Variants in ELFN1 observed in about 807,000 individuals in gnomAD.
ELFN1 encodes the protein extracellular leucine rich repeat and fibronectin type III domain containing 1.
ELFN1 carries 6 observed loss-of-function variants against 7.6 expected under a neutral mutation model. The observed-to-expected ratio is 0.79, with a 90% CI of 0.43 to 1.56. The LOEUF is 1.56. ELFN1 is among the 40% of genes most tolerant of loss of function. The pLI is 0.01. For missense variants in ELFN1, 1,169 were observed against 1,232.2 expected (o/e 0.95, Z 0.77); for synonymous variants, 657 against 588.1 (o/e 1.12, Z -1.70).
chr7:1,705,581 C>T lies in ELFN1; in HGVS notation c.-455-3510C>T, dbSNP rs964476968. ...CCTCAGATGGCAGGCCTCACAGCCT[C>T]ACCATGCACCTGTGTGATCAGCCAC... On this transcript the variant is annotated intron_variant, in intron 2 of 3. Coordinates refer to ENST00000424383, the MANE Select transcript of ELFN1 (RefSeq NM_001128636.4). The surrounding 1 kb of genome is among the most constrained non-coding windows in gnomAD (Gnocchi z 4.3). Among the ~76,000 whole-genome samples, 3 of 152,242 alleles carry T rather than the reference C, an allele frequency of 2.0e-5. No homozygotes were observed. Among genetic ancestry groups the T allele is most frequent in the African/African-American group, 7.2e-5 (3 of 41,466 alleles).
chr7:1,708,133 C>T (rs1322547100), intron 2 of ELFN1, among the ~76,000 whole-genome samples: 1 of 152,228 alleles, frequency 6.6e-6, no homozygotes, highest in East Asian at 1.9e-4. Context: ...CCCTCCTGCC[C>T]TCCAGATGCA....
At chr7:1,696,084 T>G (rs1466142943) in intron 2 of ELFN1, among the ~76,000 whole-genome samples, 1 of 152,022 alleles carries the variant, frequency 6.6e-6, no homozygotes, top group Admixed American at 6.6e-5. Context: ...TGGGATCGGG[T>G]GCCAGCGGGG....
Position 1,747,745 on chromosome 7 carries a change from A to C in ELFN1, c.*662A>C, listed in dbSNP as rs1780849207. On this transcript the variant is annotated 3_prime_UTR_variant, in exon 4 of 4. Coordinates refer to ENST00000424383, the MANE Select transcript of ELFN1 (RefSeq NM_001128636.4). ...GTGCCTGTGGACGGCCGGGGTGGCC[A>C]GGACGGCCAAGGGCTGGGAGGCACG... 2 of 166,190 alleles carry C rather than the reference A, an allele frequency of 1.2e-5. No individual in the cohort carries two copies. Among genetic ancestry groups the C allele is most frequent in the African/African-American group, 4.8e-5 (2 of 41,458 alleles). The allele number at this position is 166,190 out of a possible 1,614,324, so 10.3% of individuals were successfully genotyped here.
At chr7:1,691,914 C>G (rs995477156) in intron 2 of ELFN1, 1 of 152,272 alleles carries the variant, frequency 6.6e-6, no homozygotes, top group Non-Finnish European at 1.5e-5. Context: ...CATGAAATTG[C>G]TGAGGTATTT....
At chr7:1,669,095 C>T (rs923087102), upstream of ELFN1, among the ~76,000 whole-genome samples, 1 of 152,248 alleles carries the variant, frequency 6.6e-6, no homozygotes, top group Non-Finnish European at 1.5e-5. Context: ...CTGGAGAACC[C>T]TAGGACCCGG....
intron 2 of ELFN1, among the ~76,000 whole-genome samples, chr7:1,696,277 G>GGAGA (rs369346750): frequency 2.7e-5 from 4 of 145,652 alleles, no homozygotes. Flanking sequence ...AGAAAGAGAT[G>GGAGA]GAGAGAGAGA....
rs1778754461 is a variant in ELFN1 at position 1,670,970 on chromosome 7, C to T, written c.-549+616C>T. The stretch of plus-strand genomic sequence containing the variant: ...GGGGCTTCGCTCCGAACTGAACTTA[C>T]TGGGTGCTTTCCACCCCTCGCCCCA... On this transcript the variant is annotated intron_variant, in intron 1 of 3. Transcript: ENST00000424383. This position sits in a 1 kb window ranked among gnomAD's most constrained non-coding sequence, Gnocchi z 6.4. 6.9e-6 allele frequency among the ~76,000 whole-genome samples: 1 copy of T among 145,536 alleles called. No individual in the cohort carries two copies. The highest frequency in any genetic ancestry group is 2.4e-5 in the African/African-American group (1 of 41,326).
rs745817796 is a variant in ELFN1, at chr7:1,745,929, C to T, written c.1333C>T (p.Arg445Cys). The T allele has an allele frequency of 4.2e-5, 66 of 1,563,656 alleles. No individual in the cohort carries two copies. Among genetic ancestry groups the T allele is most frequent in the East Asian group, 7.2e-5 (3 of 41,660 alleles). ...AVYYCLRRRR[R>C]QEEKHKKAAS... Reference sequence around the variant, plus strand: ...CTACTACTGCCTGCGCAGGCGGCGGCGCCAGGAGGAGAAGCACAAGAAGGC... The same window carrying T: ...CTACTACTGCCTGCGCAGGCGGCGGTGCCAGGAGGAGAAGCACAAGAAGGC... Residue 445 changes from arginine (R) to cysteine (C), a missense_variant, in exon 4 of 4, where the codon CGC (arginine) becomes TGC (cysteine). This residue lies in a region of ELFN1 where 914 missense variants were observed against 872.6 expected (regional missense o/e 1.05). Coordinates refer to ENST00000424383, the MANE Select transcript of ELFN1 (RefSeq NM_001128636.4).
intron 3 of ELFN1, among the ~76,000 whole-genome samples, chr7:1,712,416 A>C (rs1583348778): frequency 7.1e-6 from 1 of 141,472 alleles, no homozygotes; most frequent in African/African-American, 2.7e-5. Context: ...CACGGTGCCC[A>C]GCCTTCTTTC....
chr7:1,671,046 C>G (rs890573014), intron 1 of ELFN1, among the ~76,000 whole-genome samples: 1 of 152,186 alleles, frequency 6.6e-6, no homozygotes, highest in East Asian at 1.9e-4. Flanking sequence ...AGGAGGCTGC[C>G]AAGCCTCCGT....
chr7:1,743,285 T>C (rs1433690294), intron 3 of ELFN1, among the ~76,000 whole-genome samples: 4 of 151,956 alleles, frequency 2.6e-5, no homozygotes, highest in African/African-American at 9.7e-5. Context: ...CAGGGTCCAG[T>C]GGAGGCTGAG....
rs897848066 is a variant in ELFN1, at chr7:1,746,730, C to T, written c.2134C>T (p.Pro712Ser). 12 of 1,482,880 alleles carry T rather than the reference C, an allele frequency of 8.1e-6. No homozygotes were observed. The highest frequency in any genetic ancestry group is 1.5e-5 in the African/African-American group (1 of 68,160). 91.9% of individuals were successfully genotyped at this position (1,482,880 alleles called of 1,614,324 possible). A position where few individuals can be genotyped will look rare whatever the true frequency, so the allele number is the denominator to read the frequency against. The part of the protein sequence containing the change: ...EHRHSYPGSH[P>S]AEPPAPPGPP... ...CCGGCACTCGTACCCCGGCTCCCAC[C>T]CGGCCGAGCCACCTGCGCCCCCCGG... Residue 712 changes from proline (P) to serine (S), a missense_variant, in exon 4 of 4, where the codon CCG becomes TCG. By Grantham distance (74) the Pro-to-Ser change is moderately conservative. Around this residue, in one of 2 missense-constraint regions of ELFN1, gnomAD observed 914 missense variants for 872.6 expected, o/e 1.05. Coordinates refer to ENST00000424383, the MANE Select transcript of ELFN1 (RefSeq NM_001128636.4).
At chr7:1,680,543 ACACCGTCACCGTGCCTTC>A (rs1778955186) in intron 1 of ELFN1, among the ~76,000 whole-genome samples, 1 of 152,022 alleles carries the variant, frequency 6.6e-6, no homozygotes, top group Admixed American at 6.6e-5. Context: ...CTGTGCGCCG[ACACCGTCACCGTGCCTTC>A]CACTCTCCAT....
At chr7:1,725,383 G>A (rs1452412182) in intron 3 of ELFN1, among the ~76,000 whole-genome samples, 3 of 152,078 alleles carry the variant, frequency 2.0e-5, no homozygotes, top group Non-Finnish European at 4.4e-5. Context: ...GGGCGCAGGC[G>A]AGGCCGGTGA....
intron 1 of ELFN1, among the ~76,000 whole-genome samples, chr7:1,685,608 T>G (rs1266367376): frequency 6.6e-6 from 1 of 152,096 alleles, no homozygotes; most frequent in Non-Finnish European, 1.5e-5. Context: ...ATTTTTCATT[T>G]CCGCAGTCAT....
chr7:1,715,198 T>A (rs978031644), intron 3 of ELFN1, among the ~76,000 whole-genome samples: 1 of 152,194 alleles, frequency 6.6e-6, no homozygotes, highest in Non-Finnish European at 1.5e-5. Context: ...GCTTACTATA[T>A]GTCTTATTCA....
intron 3 of ELFN1, among the ~76,000 whole-genome samples, chr7:1,737,007 C>T (rs1247029181): frequency 6.6e-6 from 1 of 152,138 alleles, no homozygotes; most frequent in Non-Finnish European, 1.5e-5. Flanking sequence ...CCCCAGCTAC[C>T]CCTGCAGCCC....
At chr7:1,669,481 C>T (rs1778719418), upstream of ELFN1, among the ~76,000 whole-genome samples, 1 of 152,190 alleles carries the variant, frequency 6.6e-6, no homozygotes, top group Non-Finnish European at 1.5e-5. Flanking sequence ...CCCGAGGCTC[C>T]TGCCGGGGGT....
At chr7:1,733,268 C>T (rs887903793) in intron 3 of ELFN1, among the ~76,000 whole-genome samples, 2 of 152,112 alleles carry the variant, frequency 1.3e-5, no homozygotes, top group African/African-American at 2.4e-5. Context: ...CACCAGTCCC[C>T]GGGACACGCA....
Sources: gnomAD v4.1 joint callset for allele counts (sites outside exome capture counted in the v4.1 genomes callset) on GRCh38, gnomAD v4.1.1 for gene constraint, gnomAD v4.1.1 regional missense constraint, Gnocchi (gnomAD v3.1) non-coding constraint, MANE v1.5 for transcripts, NCBI Gene and HGNC (gene_info 2026-07-23, HGNC 2026-07-21) for gene names.